The following ZNF678 variants were observed in gnomAD, a reference collection of about 807,000 sequenced individuals.
The protein encoded by ZNF678 is zinc finger protein 678.
In ZNF678, 5 loss-of-function variants were observed where a neutral mutation model predicts 3.0. The ratio of observed to expected loss-of-function variants is 1.69; its 90% CI spans 0.88 to 3.56. The LOEUF (loss-of-function observed/expected upper bound fraction) is 3.56. Among genes scored for constraint, ZNF678 ranks in the 30% most tolerant of loss-of-function variants. ZNF678 has a pLI of 0.00. For missense variants in ZNF678, 593 were observed against 605.0 expected, an observed-to-expected ratio of 0.98 and a Z score of 0.21; for synonymous variants, 218 against 199.6, an observed-to-expected ratio of 1.09 and a Z score of -0.78.
In ZNF678 at chr1:227,655,099, T is replaced by C. The variant is rs770349816; in HGVS notation, c.849T>C (p.His283=). 9.6e-5 allele frequency: 155 copies of C among 1,612,466 alleles called. No individual in the cohort carries two copies. The highest frequency in any genetic ancestry group is 1.3e-4 in the Non-Finnish European group (152 of 1,179,390). Residue 283 remains histidine, a synonymous_variant, in exon 4 of 4, where the codon CAT becomes CAC. Coordinates refer to ENST00000343776, the MANE Select transcript of ZNF678 (RefSeq NM_001367909.1). ...VFNECSHLTR[H]RRIHTGEKPY... ...ATGAGTGCTCACACCTAACTAGACA[T>C]AGGAGAATTCATACTGGAGAGAAAC...
intron 5 of ZNF678, among the ~76,000 whole-genome samples, chr1:227,670,913 C>A (rs976031195): frequency 6.6e-6 from 1 of 151,964 alleles, no homozygotes; most frequent in African/African-American, 2.4e-5. Flanking sequence ...CAAAATCAGA[C>A]CACCAGGAAT....
intron 3 of ZNF678, among the ~76,000 whole-genome samples, chr1:227,652,487 T>C (rs922888081): frequency 6.6e-6 from 1 of 152,166 alleles, no homozygotes; most frequent in African/African-American, 2.4e-5. Context: ...TATTGTCATT[T>C]ATTGTTTTAT....
At chr1:227,592,949 A>C (rs1482470918) in intron 1 of ZNF678, among the ~76,000 whole-genome samples, 2 of 152,218 alleles carry the variant, frequency 1.3e-5, no homozygotes, top group East Asian at 1.9e-4. Context: ...AGCTCTTGAA[A>C]ATTCTTAAGC....
chr1:227,604,131 C>A (rs898062651), intron 1 of ZNF678, among the ~76,000 whole-genome samples: 1 of 152,126 alleles, frequency 6.6e-6, no homozygotes, highest in Non-Finnish European at 1.5e-5. Flanking sequence ...TTGGTTATAA[C>A]AAACAATGTT....
chr1:227,601,716 C>T (rs2102750439), intron 1 of ZNF678, among the ~76,000 whole-genome samples: 1 of 152,148 alleles, frequency 6.6e-6, no homozygotes, highest in East Asian at 1.9e-4. Flanking sequence ...AGGCATGTGC[C>T]AACACGCCTG....
At chr1:227,646,735 G>A in intron 2 of ZNF678, 65 bp downstream of exon 2, 1 of 1,299,828 alleles carries the variant, frequency 7.7e-7, no homozygotes, top group Non-Finnish European at 1.0e-6. Flanking sequence ...TTTCACTCCT[G>A]AAATGTTACC....
chr1:227,602,412 T>C (rs1657757807), intron 1 of ZNF678, among the ~76,000 whole-genome samples: 1 of 152,236 alleles, frequency 6.6e-6, no homozygotes, highest in African/African-American at 2.4e-5. Flanking sequence ...ATATCCACAT[T>C]GTACACATAA....
At chr1:227,632,502 C>G (rs763056770) in intron 1 of ZNF678, among the ~76,000 whole-genome samples, 4 of 152,152 alleles carry the variant, frequency 2.6e-5, no homozygotes, top group Non-Finnish European at 5.9e-5. Flanking sequence ...GCTGTGAGTT[C>G]GGGACAACAG....
chr1:227,604,887 G>A (rs1042504006), intron 1 of ZNF678, among the ~76,000 whole-genome samples: 2 of 150,806 alleles, frequency 1.3e-5, no homozygotes, highest in African/African-American at 2.4e-5. Flanking sequence ...ATGGAATTTC[G>A]TTTTGTCGCC....
At chr1:227,664,708 G>A (rs1258856267), downstream of ZNF678, among the ~76,000 whole-genome samples, 1 of 152,082 alleles carries the variant, frequency 6.6e-6, no homozygotes, top group Non-Finnish European at 1.5e-5. Context: ...GCTGTCTCTA[G>A]AATGTAGGTG....
chr1:227,594,067 A>G (rs1657496944), intron 1 of ZNF678, among the ~76,000 whole-genome samples: 1 of 152,174 alleles, frequency 6.6e-6, no homozygotes, highest in Admixed American at 6.5e-5. Flanking sequence ...AAAGTGGAAG[A>G]TAAATGAAGT....
At chr1:227,617,703 G>A (rs1223459565) in intron 1 of ZNF678, among the ~76,000 whole-genome samples, 1 of 152,206 alleles carries the variant, frequency 6.6e-6, no homozygotes, top group Admixed American at 6.5e-5. Context: ...TGGATGGTCA[G>A]TGATTTGGAA....
chr1:227,620,210 T>C (rs1178337406), intron 1 of ZNF678, among the ~76,000 whole-genome samples: 1 of 152,200 alleles, frequency 6.6e-6, no homozygotes, highest in African/African-American at 2.4e-5. Context: ...AAGCTTGAAA[T>C]CCTATTTAAC....
intron 1 of ZNF678, among the ~76,000 whole-genome samples, chr1:227,637,358 G>A (rs1372668754): frequency 6.6e-6 from 1 of 152,184 alleles, no homozygotes; most frequent in Non-Finnish European, 1.5e-5. Context: ...CGGTGAGCTA[G>A]CATGTCTTTG....
intron 1 of ZNF678, among the ~76,000 whole-genome samples, chr1:227,576,841 ATCTT>A (rs58210505): frequency 0.21 from 31,229 of 151,800 alleles, 3,607 homozygotes; most frequent in African/African-American, 0.31. Flanking sequence ...TTAATTTGAG[ATCTT>A]TCTAACTTTT....
At chr1:227,574,760 C>T (rs1656945881) in intron 1 of ZNF678, among the ~76,000 whole-genome samples, 1 of 152,052 alleles carries the variant, frequency 6.6e-6, no homozygotes, top group Admixed American at 6.6e-5. Context: ...ATGATACTGC[C>T]TAGGTTGTCT....
chr1:227,577,777 C>T (rs1158805506), intron 1 of ZNF678, among the ~76,000 whole-genome samples: 1 of 152,152 alleles, frequency 6.6e-6, no homozygotes, highest in Non-Finnish European at 1.5e-5. Flanking sequence ...ATCCTGCCAT[C>T]ATGATGGTAG....
At chr1:227,646,460 C>T in intron 1 of ZNF678, 84 bp from the exon 2 acceptor site, 3 of 1,284,842 alleles carry the variant, frequency 2.3e-6, no homozygotes, top group Non-Finnish European at 3.1e-6. Flanking sequence ...AACAAGTTCA[C>T]TTTACTCTCT....
chr1:227,646,364 T>TA (rs1471217863), intron 1 of ZNF678, among the ~76,000 whole-genome samples, 180 bp from the exon 2 acceptor site: 2 of 152,226 alleles, frequency 1.3e-5, no homozygotes, highest in Non-Finnish European at 2.9e-5. Context: ...TTGTAAATCT[T>TA]ATGCCATCCT....
Sources: gnomAD v4.1 joint callset for allele counts (sites outside exome capture counted in the v4.1 genomes callset) on GRCh38, gnomAD v4.1.1 for gene constraint, MANE v1.5 for transcripts, NCBI Gene and HGNC (gene_info 2026-07-23, HGNC 2026-07-21) for gene names.